STK33: variants seen among roughly 807,000 people sequenced by gnomAD.
STK33 encodes serine/threonine-protein kinase 33.
In STK33, 52 loss-of-function variants were observed where a neutral mutation model predicts 58.0. The ratio of observed to expected loss-of-function variants is 0.90; its 90% CI spans 0.72 to 1.13. The LOEUF (loss-of-function observed/expected upper bound fraction) is 1.13, where lower values mean the gene tolerates loss of function less well. STK33 is among the 50% of genes most tolerant of loss of function. STK33 has a pLI of 0.00. For missense variants in STK33, 630 were observed against 604.2 expected (o/e 1.04, Z -0.45); for synonymous variants, 215 against 200.1 (o/e 1.07, Z -0.63).
intron 1 of STK33, among the ~76,000 whole-genome samples, chr11:8,516,334 G>A (rs1014385912): frequency 3.9e-5 from 6 of 152,184 alleles, no homozygotes; most frequent in South Asian, 2.1e-4. Flanking sequence ...AAATGGCACT[G>A]GGAAAACTGG....
chr11:8,336,638 A>G, the STK33 span, among the ~76,000 whole-genome samples: 1 of 152,266 alleles, frequency 6.6e-6, no homozygotes, highest in African/African-American at 2.4e-5. Flanking sequence ...GCAGAGCCTC[A>G]GGAGAACAAG....
At chr11:8,495,134 A>G (rs1187635278) in intron 1 of STK33, among the ~76,000 whole-genome samples, 1 of 152,218 alleles carries the variant, frequency 6.6e-6, no homozygotes, top group Admixed American at 6.5e-5. Flanking sequence ...ACAGCAAAAG[A>G]AACTACCCTC....
chr11:8,483,972 T>C (rs1274225410), intron 1 of STK33, among the ~76,000 whole-genome samples: 1 of 152,232 alleles, frequency 6.6e-6, no homozygotes, highest in Admixed American at 6.5e-5. Context: ...AGAACATGAA[T>C]GTTCTACCAT....
At chr11:8,402,126 A>T (rs1480611275) in intron 15 of STK33, among the ~76,000 whole-genome samples, 29 of 152,312 alleles carry the variant, frequency 1.9e-4, no homozygotes, top group Middle Eastern at 6.8e-3. Context: ...GTATATACCC[A>T]AAGGATTATA....
intron 1 of STK33, among the ~76,000 whole-genome samples, chr11:8,562,992 T>C (rs1369283981): frequency 4.6e-5 from 7 of 152,170 alleles, no homozygotes; most frequent in South Asian, 2.1e-4. Context: ...CCAAGTGTTA[T>C]GGATTAGATT....
At chr11:8,452,337 T>C (rs1322457265) in intron 11 of STK33, among the ~76,000 whole-genome samples, 3 of 152,202 alleles carry the variant, frequency 2.0e-5, no homozygotes, top group Non-Finnish European at 4.4e-5. Flanking sequence ...AACAAAATTT[T>C]TTTAAATCTT....
chr11:8,426,915 T>C (rs1356777447), intron 14 of STK33, among the ~76,000 whole-genome samples: 4 of 152,212 alleles, frequency 2.6e-5, no homozygotes, highest in African/African-American at 9.7e-5. Flanking sequence ...CACACTTTCA[T>C]GTGCTGCTCC....
chr11:8,468,110 G>A (rs1948402252), intron 6 of STK33, among the ~76,000 whole-genome samples: 1 of 152,162 alleles, frequency 6.6e-6, no homozygotes, highest in Admixed American at 6.6e-5. Flanking sequence ...GTTCCACATG[G>A]CTGGGGAGGC....
the STK33 span, among the ~76,000 whole-genome samples, chr11:8,380,508 C>T: frequency 6.7e-6 from 1 of 149,586 alleles, no homozygotes; most frequent in African/African-American, 2.5e-5. Context: ...TGCAGCGAGC[C>T]GAGATCATGC....
At chr11:8,356,714 C>CTAA in the STK33 span, among the ~76,000 whole-genome samples, 1 of 152,186 alleles carries the variant, frequency 6.6e-6, no homozygotes, top group African/African-American at 2.4e-5. Context: ...GCTGGGGCAT[C>CTAA]TGAGGAGCCG....
chr11:8,552,442 T>G (rs937942336), intron 1 of STK33, among the ~76,000 whole-genome samples: 1 of 152,192 alleles, frequency 6.6e-6, no homozygotes, highest in African/African-American at 2.4e-5. Flanking sequence ...TTTATAAACT[T>G]TTTACATTTT....
chr11:8,571,398 G>A (rs971746330), intron 1 of STK33, among the ~76,000 whole-genome samples: 2 of 152,174 alleles, frequency 1.3e-5, no homozygotes, highest in Non-Finnish European at 2.9e-5. Flanking sequence ...AAGTTTACTA[G>A]GGATAGGCGA....
the STK33 span, among the ~76,000 whole-genome samples, chr11:8,336,757 C>T: frequency 8.5e-5 from 13 of 152,256 alleles, no homozygotes; most frequent in African/African-American, 2.9e-4. Context: ...AGCCTGAGTT[C>T]TGCCTGCCAC....
intron 10 of STK33, among the ~76,000 whole-genome samples, chr11:8,453,556 G>A (rs1946528190): frequency 6.6e-6 from 1 of 152,208 alleles, no homozygotes; most frequent in African/African-American, 2.4e-5. Flanking sequence ...TGGTGGCCTA[G>A]TGCCGCAACT....
At chr11:8,468,781 T>G (rs1483057432) in intron 6 of STK33, among the ~76,000 whole-genome samples, 1 of 152,184 alleles carries the variant, frequency 6.6e-6, no homozygotes, top group Non-Finnish European at 1.5e-5. Context: ...TATATTTATA[T>G]GCAACTCTCA....
intron 6 of STK33, chr11:8,466,783 G>A (rs1438335309): frequency 6.6e-6 from 1 of 152,288 alleles, no homozygotes; most frequent in Non-Finnish European, 1.5e-5. Flanking sequence ...TCTCCCTGAA[G>A]ATCCTGCCCC....
chr11:8,353,810 C>T, the STK33 span, among the ~76,000 whole-genome samples: 1 of 152,144 alleles, frequency 6.6e-6, no homozygotes, highest in African/African-American at 2.4e-5. Context: ...CTCATCTGTG[C>T]CATTCTTCCT....
chr11:8,402,712 G>A (rs545906902), intron 15 of STK33, among the ~76,000 whole-genome samples: 52 of 152,290 alleles, frequency 3.4e-4, no homozygotes, highest in African/African-American at 1.1e-3. Flanking sequence ...CCACCATGGT[G>A]CCCTCCAGGC....
intron 1 of STK33, among the ~76,000 whole-genome samples, chr11:8,543,873 T>A (rs1955708227): frequency 6.6e-6 from 1 of 152,198 alleles, no homozygotes; most frequent in South Asian, 2.1e-4. Context: ...GTATACCTAC[T>A]ATGTACTCAC....
Sources: gnomAD v4.1 joint callset for allele counts (sites outside exome capture counted in the v4.1 genomes callset) on GRCh38, gnomAD v4.1.1 for gene constraint, MANE v1.5 for transcripts, NCBI Gene and HGNC (gene_info 2026-07-23, HGNC 2026-07-21) for gene names.